CFH: variants seen among roughly 807,000 people sequenced by gnomAD.
The protein encoded by CFH is complement factor H, also known as H factor 1 (complement).
Under a neutral mutation model 147.3 loss-of-function variants are expected in CFH, and 53 were observed. The observed-to-expected ratio is 0.36, with a 90% CI of 0.29 to 0.45. The LOEUF is 0.45. CFH is among the 20% of genes least tolerant of loss of function. The pLI is 1.00. For missense variants in CFH, 1,380 were observed against 1,498.0 expected (o/e 0.92, Z 1.30); for synonymous variants, 536 against 489.4 (o/e 1.10, Z -1.26).
Position 196,677,648 on chromosome 1 carries a change from A to G in CFH, c.600A>G (p.Lys200=), listed in dbSNP as rs746279676. ...GTTCAGACGATGGTTTTTGGAGTAA[A>G]GAGAAACCAAAGTGTGTGGGTAAGA... The part of the protein sequence containing the change: ...MHCSDDGFWS[K]EKPKCVEISC... Residue 200 remains lysine (K), a synonymous_variant, in exon 5 of 22, where the codon AAA becomes AAG. Coordinates refer to ENST00000367429, the MANE Select transcript of CFH (RefSeq NM_000186.4). 6.2e-7 allele frequency: 1 copy of G among 1,613,032 alleles called. No homozygotes were observed. The highest frequency in any genetic ancestry group is 8.5e-7 in the Non-Finnish European group (1 of 1,179,216).
In CFH at chr1:196,679,720, G is replaced by C. The variant is rs1033983678; in HGVS notation, c.717G>C (p.Met239Ile). The stretch of plus-strand genomic sequence containing the variant: ...AACGATTTCAATATAAATGTAACAT[G>C]GGTTATGAATACAGTGAAAGAGGAG... ...ENERFQYKCN[M>I]GYEYSERGDA... The change falls in exon 6 of 22, where the codon ATG (methionine) becomes ATC (isoleucine). Residue 239 changes from methionine (M) to isoleucine (I), a missense_variant. Coordinates refer to ENST00000367429, the MANE Select transcript of CFH (RefSeq NM_000186.4). 1 of 1,611,528 alleles carries C rather than the reference G, an allele frequency of 6.2e-7. No individual in the cohort carries two copies. The highest frequency in any genetic ancestry group is 1.7e-5 in the Admixed American group (1 of 59,796).
At chr1:196,714,396 G>T (rs1668796389) in intron 10 of CFH, among the ~76,000 whole-genome samples, 1 of 151,004 alleles carries the variant, frequency 6.6e-6, no homozygotes, top group South Asian at 2.1e-4. Context: ...TTCCCTCTTA[G>T]AAATTTTTCA....
At chr1:196,720,706 T>G (rs768339144) in intron 11 of CFH, among the ~76,000 whole-genome samples, 1 of 151,994 alleles carries the variant, frequency 6.6e-6, no homozygotes, top group Non-Finnish European at 1.5e-5. Flanking sequence ...CAATCATCTG[T>G]TGGTGGACAA....
intron 14 of CFH, 94 bp from the exon 15 acceptor site, chr1:196,728,245 ATTTTACC>A: frequency 1.2e-6 from 1 of 858,356 alleles, no homozygotes; most frequent in South Asian, 2.3e-5. Flanking sequence ...TTAAGTCATA[ATTTTACC>A]ATGCTAATAC....
chr1:196,741,979 T>G lies in CFH; in HGVS notation c.3061T>G (p.Tyr1021Asp). Residue 1021 changes from tyrosine (Y) to aspartate (D), a missense_variant, in exon 19 of 22, where the codon TAT becomes GAT. By Grantham distance (160) the Tyr-to-Asp change is radical (BLOSUM62 -3). Transcript: ENST00000367429. Reference sequence around the variant, plus strand: ...GCAAGTGACTTACACTTGTGCAACATATTACAAAATGGATGGAGCCAGTAA... The same window carrying G: ...GCAAGTGACTTACACTTGTGCAACAGATTACAAAATGGATGGAGCCAGTAA... Reference protein sequence around the residue: ...GEQVTYTCATYYKMDGASNVT... With the variant: ...GEQVTYTCATDYKMDGASNVT... 6.2e-7 allele frequency: 1 copy of G among 1,614,208 alleles called. No homozygotes were observed. The highest frequency in any genetic ancestry group is 8.5e-7 in the Non-Finnish European group (1 of 1,180,032).
intron 9 of CFH, among the ~76,000 whole-genome samples, chr1:196,706,507 C>T (rs1237521174): frequency 6.6e-6 from 1 of 152,038 alleles, no homozygotes; most frequent in Non-Finnish European, 1.5e-5. Context: ...AAACTTCAGC[C>T]TAAAATCCCT....
intron 6 of CFH, among the ~76,000 whole-genome samples, chr1:196,680,483 G>A (rs1667611958): frequency 6.6e-6 from 1 of 151,850 alleles, no homozygotes; most frequent in South Asian, 2.1e-4. Context: ...TGGCCAAGAA[G>A]AGAGAATATG....
intron 15 of CFH, among the ~76,000 whole-genome samples, chr1:196,736,279 T>C (rs1448762316): frequency 6.6e-6 from 1 of 152,032 alleles, no homozygotes; most frequent in African/African-American, 2.4e-5. Context: ...AAGTTTTAAA[T>C]AGCACACTAT....
At chr1:196,654,236 C>G (rs560081571) in intron 1 of CFH, among the ~76,000 whole-genome samples, 12 of 152,102 alleles carry the variant, frequency 7.9e-5, no homozygotes, top group Non-Finnish European at 1.3e-4. Flanking sequence ...AGCATTACTT[C>G]TGCTCTGTTA....
At chr1:196,744,036 T>C (rs1429113205) in intron 20 of CFH, among the ~76,000 whole-genome samples, 2 of 152,150 alleles carry the variant, frequency 1.3e-5, no homozygotes, top group African/African-American at 2.4e-5. Context: ...TTTAAAGGTG[T>C]GTGACTGACT....
In CFH at chr1:196,715,627, A is replaced by G; in HGVS notation, c.1554A>G (p.Arg518=). Residue 518 remains arginine, a synonymous_variant, in exon 11 of 22, where the codon AGA becomes AGG. Transcript: ENST00000367429. ...ATATCCCAGTATTTATGAATGCCAG[A>G]ACTAAAAATGACTTCACATGGTTTA... ...SCDIPVFMNA[R]TKNDFTWFKL... is the part of the protein sequence containing the mutation. 3 of 1,612,734 alleles carry G rather than the reference A, an allele frequency of 1.9e-6. No homozygotes were observed. Among genetic ancestry groups the G allele is most frequent in the Non-Finnish European group, 2.5e-6 (3 of 1,179,132 alleles).
intron 6 of CFH, 81 bp from the exon 7 acceptor site, chr1:196,684,983 C>A: frequency 1.9e-6 from 2 of 1,069,916 alleles, no homozygotes; most frequent in Non-Finnish European, 1.4e-6. Flanking sequence ...TAAATAACAC[C>A]CACTTTTAAA....
chr1:196,719,982 A>G (rs1668961896), intron 11 of CFH, among the ~76,000 whole-genome samples: 1 of 151,730 alleles, frequency 6.6e-6, no homozygotes, highest in Non-Finnish European at 1.5e-5. Context: ...TTCCTTGATT[A>G]CATTAAACAA....
intron 1 of CFH, among the ~76,000 whole-genome samples, chr1:196,665,012 A>G (rs1267818885): frequency 6.6e-6 from 1 of 151,728 alleles, no homozygotes; most frequent in Non-Finnish European, 1.5e-5. Context: ...AAAATTGATT[A>G]TCATCTCCTT....
intron 11 of CFH, among the ~76,000 whole-genome samples, chr1:196,716,272 T>C (rs1668869289): frequency 6.6e-6 from 1 of 152,094 alleles, no homozygotes; most frequent in Non-Finnish European, 1.5e-5. Flanking sequence ...ATTGGCTCTG[T>C]GGGAAAACAA....
chr1:196,684,272 G>A lies in CFH; in HGVS notation c.791-792G>A, dbSNP rs1667750033. Among the ~76,000 whole-genome samples, 5 of 151,890 alleles carry A rather than the reference G, an allele frequency of 3.3e-5. No individual in the cohort carries two copies. In the South Asian group the frequency reaches 1.0e-3, roughly 31 times the overall value. On this transcript the variant is annotated intron_variant, in intron 6 of 21. Transcript: ENST00000367429. The stretch of plus-strand genomic sequence containing the variant: ...TTTTTCATTACTTTTGTACTATAAT[G>A]GCAGAGTTGAGTTGTTGCAGCAGAG...
At chr1:196,702,516 C>T (rs568277397) in intron 9 of CFH, among the ~76,000 whole-genome samples, 1 of 96,738 alleles carries the variant, frequency 1.0e-5, no homozygotes, top group East Asian at 4.4e-4. Flanking sequence ...ATGGAAGGAA[C>T]AGGATTGAAA....
At chr1:196,667,176 T>A (rs1667126433) in intron 1 of CFH, among the ~76,000 whole-genome samples, 1 of 152,210 alleles carries the variant, frequency 6.6e-6, no homozygotes, top group Middle Eastern at 3.2e-3. Context: ...AGAGGCATGC[T>A]GGTAAATGTA....
intron 5 of CFH, 65 bp from the exon 6 acceptor site, chr1:196,679,558 T>G: frequency 8.1e-7 from 1 of 1,233,186 alleles, no homozygotes; most frequent in Non-Finnish European, 1.2e-6. Context: ...TTTCATATAA[T>G]TATGTCCTGG....
Sources: gnomAD v4.1 joint callset for allele counts (sites outside exome capture counted in the v4.1 genomes callset) on GRCh38, gnomAD v4.1.1 for gene constraint, MANE v1.5 for transcripts, NCBI Gene and HGNC (gene_info 2026-07-23, HGNC 2026-07-21) for gene names.